Variants in ABCB4 observed in about 807,000 individuals in gnomAD.
ABCB4 encodes the protein ATP binding cassette subfamily B member 4, also known as phosphatidylcholine translocator ABCB4.
ABCB4 carries 76 observed loss-of-function variants against 145.7 expected under a neutral mutation model. That is an observed-to-expected ratio of 0.52 (90% CI 0.43 to 0.63). ABCB4 has a LOEUF of 0.63. Ranked by LOEUF, ABCB4 falls within the 30% of genes least tolerant of loss-of-function variation. The pLI, the probability that ABCB4 is intolerant of heterozygous loss-of-function variation, is 0.00. For synonymous variants in ABCB4, 517 were observed against 566.8 expected (o/e 0.91, Z 1.25); for missense variants, 1,234 against 1,553.1 (o/e 0.79, Z 3.45).
intron 2 of ABCB4, 124 bp from the exon 3 acceptor site, chr7:87,472,799 A>G (rs1435060490): frequency 2.0e-5 from 15 of 757,550 alleles, no homozygotes; most frequent in Non-Finnish European, 2.9e-5. Context: ...TGATGTTCAC[A>G]AAATGTCAAA....
chr7:87,392,878 T>C, the ABCB4 span: 1 of 1,610,502 alleles, frequency 6.2e-7, no homozygotes, highest in East Asian at 2.2e-5. Flanking sequence ...TTTTTGTATA[T>C]TAAATGGTTT....
At chr7:87,457,405 G>A (rs1010577999) in intron 4 of ABCB4, among the ~76,000 whole-genome samples, 4 of 152,088 alleles carry the variant, frequency 2.6e-5, no homozygotes, top group Non-Finnish European at 5.9e-5. Flanking sequence ...GCAAGACCCT[G>A]TCTCAAAAAA....
At chr7:87,393,034 G>A in the ABCB4 span, 4 of 1,613,526 alleles carry the variant, frequency 2.5e-6, no homozygotes, top group Non-Finnish European at 3.4e-6. Context: ...GTACACAATG[G>A]TTATGGATTT....
At chr7:87,474,940 G>A (rs745769399) in intron 2 of ABCB4, among the ~76,000 whole-genome samples, 5 of 152,176 alleles carry the variant, frequency 3.3e-5, no homozygotes, top group Non-Finnish European at 7.3e-5. Flanking sequence ...CATAACAGGG[G>A]ATGGGCAGGA....
chr7:87,466,932 T>C (rs1278561843), intron 3 of ABCB4, among the ~76,000 whole-genome samples: 1 of 152,160 alleles, frequency 6.6e-6, no homozygotes, highest in Non-Finnish European at 1.5e-5. Flanking sequence ...CCAGTACCAG[T>C]CACTGCAAAA....
At chr7:87,396,367 G>A in the ABCB4 span, among the ~76,000 whole-genome samples, 10 of 152,164 alleles carry the variant, frequency 6.6e-5, no homozygotes, top group South Asian at 2.1e-4. Flanking sequence ...GCCAAATGAC[G>A]AGGAGGAAGA....
At chr7:87,400,660 T>C (rs758349532), downstream of ABCB4, among the ~76,000 whole-genome samples, 6 of 152,164 alleles carry the variant, frequency 3.9e-5, no homozygotes, top group African/African-American at 4.8e-5. Flanking sequence ...CATTCCAAAT[T>C]TGAACACCAG....
intron 21 of ABCB4, among the ~76,000 whole-genome samples, chr7:87,416,017 C>T (rs941510827): frequency 3.3e-5 from 5 of 152,122 alleles, no homozygotes; most frequent in Non-Finnish European, 7.4e-5. Flanking sequence ...CTAAAGTACC[C>T]ACAGCCAGCA....
chr7:87,412,319 C>A (rs1808679869), intron 22 of ABCB4, among the ~76,000 whole-genome samples: 1 of 152,142 alleles, frequency 6.6e-6, no homozygotes, highest in African/African-American at 2.4e-5. Flanking sequence ...CTGATGACTC[C>A]AATGTTCAAC....
the ABCB4 span, among the ~76,000 whole-genome samples, chr7:87,373,295 A>T: frequency 6.6e-6 from 1 of 151,986 alleles, no homozygotes; most frequent in African/African-American, 2.4e-5. Flanking sequence ...TTGTTTTTTT[A>T]TTATTGAATT....
At chr7:87,417,879 G>T (rs1430463987) in intron 20 of ABCB4, among the ~76,000 whole-genome samples, 1 of 152,256 alleles carries the variant, frequency 6.6e-6, no homozygotes, top group African/African-American at 2.4e-5. Flanking sequence ...TAATTCAAAA[G>T]TGTAAAAGGG....
At chr7:87,456,758 C>T (rs1181138665) in intron 4 of ABCB4, among the ~76,000 whole-genome samples, 1 of 152,152 alleles carries the variant, frequency 6.6e-6, no homozygotes, top group African/African-American at 2.4e-5. Flanking sequence ...ATTGGACCCG[C>T]TCCTTTCTCA....
intron 18 of ABCB4, 130 bp downstream of exon 18, chr7:87,421,991 C>T (rs1809471865): frequency 1.4e-6 from 1 of 707,322 alleles, no homozygotes; most frequent in Non-Finnish European, 2.5e-6. Context: ...GTCTACCCTC[C>T]AGCAGAGCCT....
Position 87,465,465 on chromosome 7 carries a change from C to T in ABCB4, c.136-2557G>A, listed in dbSNP as rs559162182. 4.6e-5 allele frequency among the ~76,000 whole-genome samples: 7 copies of T among 152,326 alleles called. 1 individual carries two copies. The South Asian group carries it at 1.0e-3, about 23-fold the overall frequency. On this transcript the variant is annotated intron_variant, in intron 3 of 27. Transcript: ENST00000649586. ...GACCTGCCTGCCTCTGTAGACTCTG[C>T]CTCTAGGGGTAGGGCATAGCTGAAC... is the stretch of plus-strand genomic sequence containing the variant.
At chr7:87,379,602 T>C in the ABCB4 span, among the ~76,000 whole-genome samples, 1 of 152,376 alleles carries the variant, frequency 6.6e-6, no homozygotes, top group African/African-American at 2.4e-5. Context: ...ATAAAGAATA[T>C]TGGGCTCATA....
At chr7:87,455,864 G>T (rs1305211489) in intron 4 of ABCB4, among the ~76,000 whole-genome samples, 1 of 152,226 alleles carries the variant, frequency 6.6e-6, no homozygotes, top group Non-Finnish European at 1.5e-5. Flanking sequence ...GAAAGATAAG[G>T]TTGAAACTTA....
chr7:87,456,310 A>AGG (rs1812096911), intron 4 of ABCB4, among the ~76,000 whole-genome samples: 1 of 152,154 alleles, frequency 6.6e-6, no homozygotes, highest in Non-Finnish European at 1.5e-5. Flanking sequence ...TGTTCCCTCC[A>AGG]AATCTCACGT....
At chr7:87,431,670 G>T in intron 14 of ABCB4, 105 bp from the exon 15 acceptor site, 1 of 1,426,208 alleles carries the variant, frequency 7.0e-7, no homozygotes, top group East Asian at 2.3e-5. Flanking sequence ...GATGATTAGA[G>T]AGTAGTTTAT....
chr7:87,453,735 T>C (rs973170683), intron 5 of ABCB4, among the ~76,000 whole-genome samples: 2 of 152,198 alleles, frequency 1.3e-5, no homozygotes, highest in Non-Finnish European at 2.9e-5. Flanking sequence ...TATTGATAAC[T>C]TGTGGATACA....
Sources: allele counts gnomAD v4.1 joint callset (sites outside exome capture counted in the v4.1 genomes callset), GRCh38; gene constraint gnomAD v4.1.1; transcripts MANE v1.5; gene names NCBI Gene and HGNC (gene_info 2026-07-23, HGNC 2026-07-21).